Variants in DIP2C observed in about 807,000 individuals in gnomAD.
DIP2C encodes the protein disco-interacting protein 2 homolog C.
Under a neutral mutation model 192.4 loss-of-function variants are expected in DIP2C, and 33 were observed. The observed-to-expected ratio is 0.17, with a 90% CI of 0.13 to 0.23. DIP2C has a LOEUF of 0.23. DIP2C is among the 10% of genes least tolerant of loss of function. DIP2C has a pLI of 1.00. For synonymous variants in DIP2C, 979 were observed against 864.1 expected (o/e 1.13, Z -2.33); for missense variants, 1,537 against 2,110.1 (o/e 0.73, Z 5.32).
intron 24 of DIP2C, among the ~76,000 whole-genome samples, chr10:351,743 A>T (rs1958821271): frequency 6.6e-6 from 1 of 152,180 alleles, no homozygotes; most frequent in Non-Finnish European, 1.5e-5. Context: ...GGCCTTTGAA[A>T]CTGGACTGTT....
chr10:301,399 G>A (rs1564525184), intron 32 of DIP2C, among the ~76,000 whole-genome samples: 2 of 152,200 alleles, frequency 1.3e-5, no homozygotes, highest in South Asian at 4.1e-4. Flanking sequence ...GATGGTTGGG[G>A]TCTGGGGAAG....
intron 1 of DIP2C, among the ~76,000 whole-genome samples, chr10:512,014 C>G (rs1846047837): frequency 6.6e-6 from 1 of 152,192 alleles, no homozygotes; most frequent in African/African-American, 2.4e-5. Flanking sequence ...CCACAATCAC[C>G]TCTCAGGACA....
intron 1 of DIP2C, among the ~76,000 whole-genome samples, chr10:681,472 A>G (rs1831129892): frequency 2.8e-5 from 4 of 144,436 alleles, no homozygotes; most frequent in South Asian, 4.6e-4. Context: ...TCCAGGGAAC[A>G]TAGACCCCAG....
At chr10:358,944 G>A (rs1299185633) in intron 22 of DIP2C, among the ~76,000 whole-genome samples, 1 of 151,748 alleles carries the variant, frequency 6.6e-6, no homozygotes, top group Non-Finnish European at 1.5e-5. Flanking sequence ...CTAATCCTTG[G>A]TTTGAAGGCT....
chr10:306,362 T>C (rs1956320259), intron 32 of DIP2C, among the ~76,000 whole-genome samples: 1 of 152,122 alleles, frequency 6.6e-6, no homozygotes, highest in Admixed American at 6.5e-5. Flanking sequence ...GTTCGACAAC[T>C]GACTTTCACA....
At chr10:541,344 A>G (rs1012471646) in intron 1 of DIP2C, among the ~76,000 whole-genome samples, 14 of 152,140 alleles carry the variant, frequency 9.2e-5, no homozygotes, top group African/African-American at 3.1e-4. Flanking sequence ...CTCAGCCAAA[A>G]GCAAAAACAC....
At chr10:619,541 G>GCCCACCCTCCCACCCTCCCA in intron 1 of DIP2C, among the ~76,000 whole-genome samples, 39 of 67,962 alleles carry the variant, frequency 5.7e-4, no homozygotes, top group African/African-American at 1.2e-3. Flanking sequence ...CCGCCCGCCC[G>GCCCACCCTCCCACCCTCCCA]CCCTCCCACC....
chr10:436,315 A>G (rs555001519), intron 4 of DIP2C, among the ~76,000 whole-genome samples: 351 of 152,378 alleles, frequency 2.3e-3, no homozygotes, highest in African/African-American at 7.9e-3. Context: ...CTTCTTCGGA[A>G]GCTTTCCAGC....
intron 3 of DIP2C, among the ~76,000 whole-genome samples, chr10:451,352 A>C (rs925876150): frequency 3.3e-5 from 5 of 152,184 alleles, no homozygotes; most frequent in Admixed American, 2.0e-4. Flanking sequence ...CGGCCACCAA[A>C]ACACTCACAG....
chr10:615,311 C>A (rs1853383650), intron 1 of DIP2C, among the ~76,000 whole-genome samples: 1 of 152,178 alleles, frequency 6.6e-6, no homozygotes. Context: ...GTTATCAAAT[C>A]ACCAAGCACT....
chr10:528,952 C>T (rs7912017), intron 1 of DIP2C, among the ~76,000 whole-genome samples: 1 of 152,084 alleles, frequency 6.6e-6, no homozygotes, highest in Non-Finnish European at 1.5e-5. Context: ...GAGAACACTA[C>T]CAGCAGCTTC....
In DIP2C at chr10:568,765, C is replaced by CAAAAAAAAAAAAAAA. The variant is rs1206501677; in HGVS notation, c.86-82250_86-82236dup. 1.8e-4 allele frequency among the ~76,000 whole-genome samples: 7 copies of CAAAAAAAAAAAAAAA among 37,882 alleles called. 1 individual carries two copies. The highest frequency in any genetic ancestry group is 3.0e-4 in the African/African-American group (3 of 10,038). The allele number at this position is 37,882 out of a possible 152,430, so 24.9% of individuals were successfully genotyped here. A position where few individuals can be genotyped will look rare whatever the true frequency, so the allele number is the denominator to read the frequency against. On this transcript the variant is annotated intron_variant, in intron 1 of 36. Coordinates refer to ENST00000280886, the MANE Select transcript of DIP2C (RefSeq NM_014974.3). ...TGGGCGACAGAGGGAAACTCCGTCT[C>CAAAAAAAAAAAAAAA]AAAAAAAAAAAAAAAAAAAAAAAAA...
At chr10:599,952 G>A (rs1380630219) in intron 1 of DIP2C, among the ~76,000 whole-genome samples, 1 of 152,178 alleles carries the variant, frequency 6.6e-6, no homozygotes, top group African/African-American at 2.4e-5. Context: ...GGCCGGGTGT[G>A]CAGGAGGGGG....
chr10:418,032 AC>A (rs1197285881), intron 6 of DIP2C, among the ~76,000 whole-genome samples: 6 of 47,240 alleles, frequency 1.3e-4, no homozygotes, highest in Admixed American at 3.9e-4. Flanking sequence ...CTCCCTGTCC[AC>A]CTGTTCCTGT....
intron 17 of DIP2C, among the ~76,000 whole-genome samples, chr10:374,989 A>T (rs1321794616): frequency 6.6e-6 from 1 of 152,246 alleles, no homozygotes; most frequent in Non-Finnish European, 1.5e-5. Flanking sequence ...AGGAGGGACC[A>T]TCTCAGTGAT....
intron 32 of DIP2C, among the ~76,000 whole-genome samples, chr10:294,628 C>T (rs1955660610): frequency 6.6e-6 from 1 of 151,500 alleles, no homozygotes; most frequent in Admixed American, 6.6e-5. Context: ...GAAAAAAATG[C>T]ATTAACGTTT....
At chr10:607,959 G>A in intron 1 of DIP2C, among the ~76,000 whole-genome samples, 1 of 151,758 alleles carries the variant, frequency 6.6e-6, no homozygotes, top group Non-Finnish European at 1.5e-5. Context: ...AGGTGGCTGA[G>A]GCTTGCGGCT....
chr10:504,270 T>A (rs1393569496), intron 1 of DIP2C, among the ~76,000 whole-genome samples: 1 of 152,218 alleles, frequency 6.6e-6, no homozygotes, highest in Non-Finnish European at 1.5e-5. Flanking sequence ...AAGGCCACGC[T>A]GGAAGAGGCA....
intron 3 of DIP2C, among the ~76,000 whole-genome samples, chr10:448,534 TCA>T (rs1429009728): frequency 7.4e-6 from 1 of 135,290 alleles, no homozygotes; most frequent in African/African-American, 2.8e-5. Flanking sequence ...ATACTCAGGA[TCA>T]CACACAGTGG....
Sources: allele counts gnomAD v4.1 joint callset (sites outside exome capture counted in the v4.1 genomes callset), GRCh38; gene constraint gnomAD v4.1.1; transcripts MANE v1.5; gene names NCBI Gene and HGNC (gene_info 2026-07-23, HGNC 2026-07-21).